ADAD1: variants seen among roughly 807,000 people sequenced by gnomAD.
The protein encoded by ADAD1 is adenosine deaminase domain-containing protein 1.
A neutral mutation model predicts 66.8 loss-of-function variants in ADAD1; 46 were observed. That is an observed-to-expected ratio of 0.69 (90% CI 0.54 to 0.88). ADAD1 has a LOEUF of 0.88. Among genes scored for constraint, ADAD1 ranks in the 40% least tolerant of loss-of-function variants. ADAD1 has a pLI of 0.00. For missense variants in ADAD1, 617 were observed against 681.8 expected, an observed-to-expected ratio of 0.91 and a Z score of 1.06; for synonymous variants, 248 against 229.4, an observed-to-expected ratio of 1.08 and a Z score of -0.73.
chr4:122,381,015 T>G lies in ADAD1; in HGVS notation c.196T>G (p.Ser66Ala). The G allele has an allele frequency of 1.3e-6, 2 of 1,596,160 alleles. No individual in the cohort carries two copies. The highest frequency in any genetic ancestry group is 4.5e-5 in the East Asian group (2 of 44,488). Reference protein sequence around the residue: ...VTGNFPEPLLSKNLSSISNPV... With the variant: ...VTGNFPEPLLAKNLSSISNPV... ...AGGTAATTTTCCAGAGCCGTTGCTTTCCAAGAATCTTTCATCTATTTCAAA... is the reference window on the plus strand; with the variant it reads ...AGGTAATTTTCCAGAGCCGTTGCTTGCCAAGAATCTTTCATCTATTTCAAA... The change falls in exon 4 of 13, where the codon TCC becomes GCC. Residue 66 changes from serine to alanine, a missense_variant. Transcript: ENST00000296513.
Position 122,421,401 on chromosome 4 carries a change from A to G in ADAD1, c.1617+11A>G. 4.6e-6 allele frequency: 7 copies of G among 1,530,990 alleles called. No individual in the cohort carries two copies. Among genetic ancestry groups the G allele is most frequent in the Non-Finnish European group, 6.2e-6 (7 of 1,129,992 alleles). 94.8% of individuals were successfully genotyped at this position (1,530,990 alleles called of 1,614,324 possible). A position where few individuals can be genotyped will look rare whatever the true frequency, so the allele number is the denominator to read the frequency against. ...TATCATGCAGCTAAGGTAAGTCCTTAAAGGAATAAAGTTATCATAGGAATA... is the reference window on the plus strand; with the variant it reads ...TATCATGCAGCTAAGGTAAGTCCTTGAAGGAATAAAGTTATCATAGGAATA... On this transcript the variant is annotated intron_variant, in intron 12 of 12. Transcript: ENST00000296513.
At chr4:122,380,524 T>TA (rs1286502344) in intron 3 of ADAD1, 1 of 414,114 alleles carries the variant, frequency 2.4e-6, no homozygotes, top group African/African-American at 2.0e-5. Context: ...ATACTGGACT[T>TA]ACACTGGTCT....
intron 7 of ADAD1, among the ~76,000 whole-genome samples, chr4:122,404,659 T>C (rs1346658217): frequency 6.6e-6 from 1 of 152,202 alleles, no homozygotes; most frequent in East Asian, 1.9e-4. Flanking sequence ...CTCCACACGC[T>C]ATTCTGTTCA....
chr4:122,419,861 A>G (rs1560605221), intron 11 of ADAD1, among the ~76,000 whole-genome samples: 1 of 152,226 alleles, frequency 6.6e-6, no homozygotes, highest in Non-Finnish European at 1.5e-5. Flanking sequence ...GATACTCAAT[A>G]AAAAGGAATA....
chr4:122,421,262 TC>T lies in ADAD1; in HGVS notation c.1493del (p.Pro498HisfsTer18), dbSNP rs1270844069. 1 of 1,587,676 alleles carries T rather than the reference TC, an allele frequency of 6.3e-7. No individual in the cohort carries two copies. Among genetic ancestry groups the T allele is most frequent in the Non-Finnish European group, 8.6e-7 (1 of 1,163,700 alleles). ...DGLSGKITES[S>X]PFKSGMSMAS... ...AAAATTTTATTTCTCTCTGCTTAGT[TC>T]CCCATTTAAAAGTGGTATGTCAATG... On this transcript the variant is annotated frameshift_variant and splice_region_variant, in exon 12 of 13. Transcript: ENST00000296513. LOFTEE classifies it high-confidence loss of function.
At chr4:122,410,298 T>C (rs1796411089) in intron 8 of ADAD1, among the ~76,000 whole-genome samples, 1 of 152,212 alleles carries the variant, frequency 6.6e-6, no homozygotes, top group South Asian at 2.1e-4. Flanking sequence ...CTACCTCTTT[T>C]GTGTTACTTA....
chr4:122,427,186 A>G (rs1053857616), intron 12 of ADAD1, among the ~76,000 whole-genome samples: 7 of 152,228 alleles, frequency 4.6e-5, no homozygotes, highest in African/African-American at 1.7e-4. Flanking sequence ...TATACTAGGA[A>G]TGAATGCTCA....
Position 122,410,934 on chromosome 4 carries a change from T to C in ADAD1, c.849-288T>C, listed in dbSNP as rs45532435. On this transcript the variant is annotated intron_variant, in intron 8 of 12. Transcript: ENST00000296513. ...AGGGAGCAATCAGTAGAGAAATGAG[T>C]CTTTTGGAGAAGATGATAGTTGGGA... Among the ~76,000 whole-genome samples the C allele has an allele frequency of 3.2e-3, 484 of 152,166 alleles. 7 individuals are homozygous for C. The highest frequency in any genetic ancestry group is 0.024 in the South Asian group (117 of 4,826).
At chr4:122,421,683 T>C (rs1168381189) in intron 12 of ADAD1, among the ~76,000 whole-genome samples, 1 of 152,080 alleles carries the variant, frequency 6.6e-6, no homozygotes, top group Admixed American at 6.5e-5. Context: ...GTTAATAAAA[T>C]TTATTCTGTA....
At chr4:122,379,928 G>A (rs1794800206) in intron 2 of ADAD1, 134 bp from the exon 3 acceptor site, 1 of 834,186 alleles carries the variant, frequency 1.2e-6, no homozygotes, top group African/African-American at 1.7e-5. Context: ...AGTTCAAGAG[G>A]GATTTGACTC....
At chr4:122,413,130 A>G (rs1175889968) in intron 10 of ADAD1, among the ~76,000 whole-genome samples, 1 of 152,130 alleles carries the variant, frequency 6.6e-6, no homozygotes, top group African/African-American at 2.4e-5. Flanking sequence ...AATGAGGGAA[A>G]GATCAGAGAA....
chr4:122,419,340 G>C (rs953805819), intron 11 of ADAD1, among the ~76,000 whole-genome samples: 2 of 152,122 alleles, frequency 1.3e-5, no homozygotes, highest in African/African-American at 4.8e-5. Context: ...AGAACACGTG[G>C]ACACATAGAG....
chr4:122,388,703 T>A (rs1425796582), intron 5 of ADAD1, among the ~76,000 whole-genome samples: 1 of 152,200 alleles, frequency 6.6e-6, no homozygotes, highest in Non-Finnish European at 1.5e-5. Flanking sequence ...TTCTGTGGGG[T>A]CAGTGGTGAT....
chr4:122,381,862 G>A (rs1794911906), intron 4 of ADAD1, among the ~76,000 whole-genome samples: 1 of 152,006 alleles, frequency 6.6e-6, no homozygotes, highest in African/African-American at 2.4e-5. Flanking sequence ...ATGTGTGTGT[G>A]TTTGTACACA....
chr4:122,404,355 C>T (rs1796113131), intron 7 of ADAD1, among the ~76,000 whole-genome samples: 1 of 152,156 alleles, frequency 6.6e-6, no homozygotes, highest in South Asian at 2.1e-4. Flanking sequence ...GGACTGGGAT[C>T]TCCTACAGGG....
At chr4:122,380,264 CAAT>C (rs756568264) in intron 3 of ADAD1, 23 bp downstream of exon 3, 1 of 1,592,422 alleles carries the variant, frequency 6.3e-7, no homozygotes, top group East Asian at 2.2e-5. Flanking sequence ...TCATTTGTAA[CAAT>C]GAGTCAGTTC....
At chr4:122,423,039 A>G (rs556932176) in intron 12 of ADAD1, among the ~76,000 whole-genome samples, 2 of 151,700 alleles carry the variant, frequency 1.3e-5, no homozygotes, top group African/African-American at 4.8e-5. Flanking sequence ...ACAGGAGTAC[A>G]TGGCCTTGCC....
chr4:122,420,359 C>G (rs151314210), intron 11 of ADAD1, among the ~76,000 whole-genome samples: 140 of 152,294 alleles, frequency 9.2e-4, no homozygotes, highest in African/African-American at 3.1e-3. Context: ...AACTAAAGGT[C>G]AGGTGAGCTG....
At chr4:122,410,507 A>C (rs1796420407) in intron 8 of ADAD1, among the ~76,000 whole-genome samples, 1 of 152,174 alleles carries the variant, frequency 6.6e-6, no homozygotes. Context: ...TAAAATTTTT[A>C]ATTATTGTGA....
Sources: allele counts gnomAD v4.1 joint callset (sites outside exome capture counted in the v4.1 genomes callset), GRCh38; gene constraint gnomAD v4.1.1; transcripts MANE v1.5; gene names NCBI Gene and HGNC (gene_info 2026-07-23, HGNC 2026-07-21).